Variants in CNTNAP2 observed in about 807,000 individuals in gnomAD.
CNTNAP2 encodes contactin associated protein 2.
A neutral mutation model predicts 155.2 loss-of-function variants in CNTNAP2; 98 were observed. The ratio of observed to expected loss-of-function variants is 0.63; its 90% CI spans 0.54 to 0.75. The LOEUF (loss-of-function observed/expected upper bound fraction) is 0.75. Ranked by LOEUF, CNTNAP2 falls within the 30% of genes least tolerant of loss-of-function variation. CNTNAP2 has a pLI of 0.00. For synonymous variants in CNTNAP2, 651 were observed against 631.2 expected (o/e 1.03, Z -0.47); for missense variants, 1,727 against 1,688.1 (o/e 1.02, Z -0.40).
intron 16 of CNTNAP2, among the ~76,000 whole-genome samples, chr7:148,144,056 G>C (rs934769937): frequency 6.6e-6 from 1 of 152,172 alleles, no homozygotes; most frequent in African/African-American, 2.4e-5. Context: ...GCAAAATCCG[G>C]TTAGCTCACA....
At chr7:148,401,724 G>A (rs1193308293) in intron 22 of CNTNAP2, among the ~76,000 whole-genome samples, 1 of 151,446 alleles carries the variant, frequency 6.6e-6, no homozygotes, top group African/African-American at 2.4e-5. Flanking sequence ...TCAGCCTCCC[G>A]AGTAGCTAGG....
intron 1 of CNTNAP2, among the ~76,000 whole-genome samples, chr7:146,688,868 A>G (rs1398527456): frequency 6.6e-6 from 1 of 152,130 alleles, no homozygotes; most frequent in Non-Finnish European, 1.5e-5. Context: ...TCAGTTAGCT[A>G]CCATTCTTGT....
intron 1 of CNTNAP2, among the ~76,000 whole-genome samples, chr7:146,443,760 G>A (rs1796361389): frequency 6.6e-6 from 1 of 152,182 alleles, no homozygotes; most frequent in African/African-American, 2.4e-5. Flanking sequence ...AGACAGAGCT[G>A]CTATCCTAGC....
intron 13 of CNTNAP2, among the ~76,000 whole-genome samples, chr7:147,852,402 A>G (rs1000778145): frequency 1.3e-5 from 2 of 152,208 alleles, no homozygotes; most frequent in Admixed American, 1.3e-4. Flanking sequence ...TTGATCTACG[A>G]GTGACTTAGC....
intron 13 of CNTNAP2, among the ~76,000 whole-genome samples, chr7:147,745,872 T>G (rs1461550542): frequency 6.6e-6 from 1 of 152,216 alleles, no homozygotes; most frequent in African/African-American, 2.4e-5. Flanking sequence ...TTGAACATAA[T>G]CACTTTTATA....
intron 1 of CNTNAP2, among the ~76,000 whole-genome samples, chr7:146,546,244 T>A (rs1462223988): frequency 1.3e-5 from 2 of 151,968 alleles, no homozygotes; most frequent in African/African-American, 4.8e-5. Flanking sequence ...TGAAATTGAC[T>A]TGGTAGAAAA....
At chr7:148,019,785 G>C (rs1802247443) in intron 15 of CNTNAP2, among the ~76,000 whole-genome samples, 1 of 150,948 alleles carries the variant, frequency 6.6e-6, no homozygotes, top group South Asian at 2.1e-4. Context: ...GGGGGGAGGG[G>C]TGTGAGGGGA....
intron 3 of CNTNAP2, among the ~76,000 whole-genome samples, chr7:146,956,304 A>G (rs1011318958): frequency 3.3e-5 from 5 of 152,168 alleles, no homozygotes; most frequent in Non-Finnish European, 7.4e-5. Context: ...ATGGTTGCGT[A>G]AGTATCTACA....
intron 1 of CNTNAP2, among the ~76,000 whole-genome samples, chr7:146,239,849 C>A (rs1364929573): frequency 6.6e-6 from 1 of 152,080 alleles, no homozygotes; most frequent in Non-Finnish European, 1.5e-5. Context: ...AAATGAGATG[C>A]AACACATCTG....
chr7:148,097,184 T>C (rs17170829), intron 15 of CNTNAP2, among the ~76,000 whole-genome samples: 7,652 of 152,070 alleles, frequency 0.05, 226 homozygotes, highest in South Asian at 0.067. Flanking sequence ...ACAACTTCTT[T>C]ATGAGTACAG....
chr7:146,835,684 A>T (rs1263168495), intron 2 of CNTNAP2, among the ~76,000 whole-genome samples: 1 of 152,238 alleles, frequency 6.6e-6, no homozygotes, highest in African/African-American at 2.4e-5. Context: ...AGTGGTCCCA[A>T]GAGGTACTGC....
chr7:148,265,271 T>TTTTG (rs1460469237), intron 20 of CNTNAP2, among the ~76,000 whole-genome samples: 4 of 152,154 alleles, frequency 2.6e-5, no homozygotes, highest in Admixed American at 2.6e-4. Flanking sequence ...GAATAAGTGT[T>TTTTG]TTTGTTTGTT....
intron 1 of CNTNAP2, among the ~76,000 whole-genome samples, chr7:146,678,352 G>A (rs1049924508): frequency 1.3e-5 from 2 of 151,976 alleles, no homozygotes; most frequent in African/African-American, 4.8e-5. Context: ...GGAATTACAG[G>A]CATCAGCTAC....
chr7:147,228,817 C>A (rs941622436), intron 8 of CNTNAP2, among the ~76,000 whole-genome samples: 12 of 151,930 alleles, frequency 7.9e-5, no homozygotes, highest in Non-Finnish European at 1.5e-4. Context: ...GTCCCCCACC[C>A]CCCAACAGGC....
intron 12 of CNTNAP2, among the ~76,000 whole-genome samples, chr7:147,603,078 T>C (rs1800987038): frequency 6.6e-6 from 1 of 151,842 alleles, no homozygotes; most frequent in South Asian, 2.1e-4. Flanking sequence ...TCCACAATGG[T>C]TGAACTAGTT....
chr7:146,439,068 T>A (rs747015228), intron 1 of CNTNAP2, among the ~76,000 whole-genome samples: 1 of 149,864 alleles, frequency 6.7e-6, no homozygotes, highest in Non-Finnish European at 1.5e-5. Flanking sequence ...GGATTATTTA[T>A]TACTAAAAAA....
chr7:148,250,670 G>C lies in CNTNAP2; in HGVS notation c.3382-16363G>C, dbSNP rs190044683. On this transcript the variant is annotated intron_variant, in intron 20 of 23. Coordinates refer to ENST00000361727, the MANE Select transcript of CNTNAP2 (RefSeq NM_014141.6). The stretch of plus-strand genomic sequence containing the variant: ...ACCAGATTATGGTTGGGTTCAGCTA[G>C]CAGAACACTGCAGGAAAACACAGGG... 1.4e-4 allele frequency among the ~76,000 whole-genome samples: 21 copies of C among 152,336 alleles called. 1 individual carries two copies. The East Asian group carries it at 3.7e-3, about 27-fold the overall frequency.
intron 1 of CNTNAP2, among the ~76,000 whole-genome samples, chr7:146,407,296 T>C (rs1232950473): frequency 2.0e-5 from 3 of 152,288 alleles, no homozygotes; most frequent in East Asian, 3.9e-4. Context: ...TATGGTGAAG[T>C]AATTAAAAAT....
chr7:146,301,758 G>C (rs998290259), intron 1 of CNTNAP2, among the ~76,000 whole-genome samples: 1 of 150,802 alleles, frequency 6.6e-6, no homozygotes, highest in Non-Finnish European at 1.5e-5. Flanking sequence ...TCACAGTGGT[G>C]CAAGGAATTT....
Sources: gnomAD v4.1 joint callset for allele counts (sites outside exome capture counted in the v4.1 genomes callset) on GRCh38, gnomAD v4.1.1 for gene constraint, MANE v1.5 for transcripts, NCBI Gene and HGNC (gene_info 2026-07-23, HGNC 2026-07-21) for gene names.